The following RBM20 variants were observed in gnomAD, a reference collection of about 807,000 sequenced individuals.
RBM20 encodes RNA-binding protein 20.
RBM20 carries 51 observed loss-of-function variants against 110.1 expected under a neutral mutation model. The observed-to-expected ratio is 0.46, with a 90% CI of 0.37 to 0.59. RBM20 has a LOEUF of 0.59. Ranked by LOEUF, RBM20 falls within the 20% of genes least tolerant of loss-of-function variation. The probability of loss-of-function intolerance (pLI) is 0.00; values close to 1 mark genes in which losing one functional copy is unlikely to be tolerated. For missense variants in RBM20, 1,512 were observed against 1,574.9 expected, an observed-to-expected ratio of 0.96 and a Z score of 0.68; for synonymous variants, 589 against 618.2, an observed-to-expected ratio of 0.95 and a Z score of 0.70.
At chr10:110,769,979 A>G (rs1206767203) in intron 1 of RBM20, among the ~76,000 whole-genome samples, 1 of 152,078 alleles carries the variant, frequency 6.6e-6, no homozygotes, top group Admixed American at 6.6e-5. Context: ...GTGGCCTCCC[A>G]AAGTGTTAGG....
At chr10:110,733,571 CTGAT>C (rs1843640500) in intron 1 of RBM20, among the ~76,000 whole-genome samples, 1 of 152,250 alleles carries the variant, frequency 6.6e-6, no homozygotes, top group Admixed American at 6.5e-5. Flanking sequence ...GTTCTGTACC[CTGAT>C]TGAGGTCATG....
intron 1 of RBM20, among the ~76,000 whole-genome samples, chr10:110,658,183 C>T (rs1862051070): frequency 6.6e-6 from 1 of 152,128 alleles, no homozygotes; most frequent in Non-Finnish European, 1.5e-5. Context: ...TTTTATTTTA[C>T]AGAAAAGGTG....
chr10:110,666,607 C>T (rs145367226), intron 1 of RBM20, among the ~76,000 whole-genome samples: 2,635 of 152,278 alleles, frequency 0.017, 77 homozygotes, highest in African/African-American at 0.061. Flanking sequence ...GATTATACCA[C>T]TGCACTCCAG....
rs1845019519 is a variant in RBM20, at chr10:110,829,288, C to T, written c.3452-1773C>T. On this transcript the variant is annotated intron_variant, in intron 12 of 13. Coordinates refer to ENST00000369519, the MANE Select transcript of RBM20 (RefSeq NM_001134363.3). ...CAGCACCAACAGCCAGGAGCCAGGA[C>T]CTGTTTGTGAGGTGGAGGGGAGAAC... Among the ~76,000 whole-genome samples the T allele has an allele frequency of 2.6e-5, 4 of 152,332 alleles. No homozygotes were observed. In the South Asian group the frequency reaches 8.3e-4, roughly 32 times the overall value.
At chr10:110,797,414 T>C (rs949071892) in intron 5 of RBM20, 94 bp from the exon 6 acceptor site, 1 of 1,226,170 alleles carries the variant, frequency 8.2e-7, no homozygotes, top group Non-Finnish European at 1.1e-6. Context: ...TTACAATCAT[T>C]GTTTAGGGGA....
At chr10:110,813,816 C>T (rs1217922176) in intron 9 of RBM20, among the ~76,000 whole-genome samples, 3 of 126,770 alleles carry the variant, frequency 2.4e-5, no homozygotes, top group Non-Finnish European at 4.7e-5. Flanking sequence ...GCCTGGATGA[C>T]AAGAGCGAAA....
rs1442307828 is a variant in RBM20 at position 110,773,213 on chromosome 10, CAT to C, written c.192-7587_192-7586del. On this transcript the variant is annotated intron_variant, in intron 1 of 13. Transcript: ENST00000369519. Reference sequence around the variant, plus strand: ...CTAGGCACTATTTTATAAATGCACACATGTGGAAAAATCCCTTATTTTCCTGC... The same window carrying C: ...CTAGGCACTATTTTATAAATGCACACGTGGAAAAATCCCTTATTTTCCTGC... Among the ~76,000 whole-genome samples, 15 of 152,352 alleles carry C rather than the reference CAT, an allele frequency of 9.8e-5. 1 individual carries two copies. The South Asian group carries it at 2.5e-3, about 25-fold the overall frequency.
At position 110,698,890 on chromosome 10, in the gene RBM20, G is replaced by A. The variant is rs188928967; in HGVS notation, c.191+54245G>A. Reference sequence around the variant, plus strand: ...AGCCAGACAGACCACTGCCACAGAGGTGGGAGAGGCAAGAAGAGCCTTTAA... The same window carrying A: ...AGCCAGACAGACCACTGCCACAGAGATGGGAGAGGCAAGAAGAGCCTTTAA... On this transcript the variant is annotated intron_variant, in intron 1 of 13. Coordinates refer to ENST00000369519, the MANE Select transcript of RBM20 (RefSeq NM_001134363.3). Among the ~76,000 whole-genome samples the A allele has an allele frequency of 3.4e-4, 52 of 152,316 alleles. 1 individual carries two copies. Among genetic ancestry groups the A allele is most frequent in the Admixed American group, 2.6e-3 (40 of 15,302 alleles).
chr10:110,688,469 G>A (rs983800552), intron 1 of RBM20, among the ~76,000 whole-genome samples: 19 of 151,970 alleles, frequency 1.3e-4, no homozygotes, highest in Admixed American at 9.8e-4. Context: ...TAAGGATTTC[G>A]GATTCATACC....
At chr10:110,768,640 G>T (rs1243960902) in intron 1 of RBM20, among the ~76,000 whole-genome samples, 2 of 152,154 alleles carry the variant, frequency 1.3e-5, no homozygotes, top group African/African-American at 4.8e-5. Flanking sequence ...CAAGTCAGTT[G>T]AACCAGTATT....
chr10:110,746,980 T>C (rs1016295664), intron 1 of RBM20, among the ~76,000 whole-genome samples: 9 of 152,242 alleles, frequency 5.9e-5, no homozygotes, highest in African/African-American at 2.2e-4. Flanking sequence ...TAGTTGTTTG[T>C]ATAACAGTGT....
intron 1 of RBM20, among the ~76,000 whole-genome samples, chr10:110,776,430 G>A (rs1274982814): frequency 6.6e-6 from 1 of 152,168 alleles, no homozygotes; most frequent in Non-Finnish European, 1.5e-5. Flanking sequence ...ACTGGACTAC[G>A]GTCAAGGTGT....
chr10:110,715,615 T>A (rs1211336173), intron 1 of RBM20, among the ~76,000 whole-genome samples: 1 of 152,224 alleles, frequency 6.6e-6, no homozygotes, highest in East Asian at 1.9e-4. Flanking sequence ...TATTTCTCAC[T>A]CATTCACAAA....
At chr10:110,815,597 C>A (rs1408716590) in intron 9 of RBM20, among the ~76,000 whole-genome samples, 1 of 152,214 alleles carries the variant, frequency 6.6e-6, no homozygotes, top group Non-Finnish European at 1.5e-5. Flanking sequence ...GTGGATACCA[C>A]CAGCCTGCCA....
At position 110,727,399 on chromosome 10, in the gene RBM20, C is replaced by CAAAAATAAAAAAAAAAAA. The variant is rs1554893376; in HGVS notation, c.192-53397_192-53396insTAAAAAAAAAAAAAAAAA. ...ATACTATTTATTAAAAAGTCCGTCT[C>CAAAAATAAAAAAAAAAAA]AAAAAATAAAAATAAAAAAAAAATA... On this transcript the variant is annotated intron_variant, in intron 1 of 13. Coordinates refer to ENST00000369519, the MANE Select transcript of RBM20 (RefSeq NM_001134363.3). Among the ~76,000 whole-genome samples the CAAAAATAAAAAAAAAAAA allele has an allele frequency of 1.7e-3, 141 of 83,220 alleles. 1 individual carries two copies. Among genetic ancestry groups the CAAAAATAAAAAAAAAAAA allele is most frequent in the African/African-American group, 6.1e-3 (137 of 22,514 alleles). The allele number at this position is 83,220 out of a possible 152,430, so 54.6% of individuals were successfully genotyped here.
intron 1 of RBM20, among the ~76,000 whole-genome samples, chr10:110,736,305 A>G (rs1843669377): frequency 6.6e-6 from 1 of 152,238 alleles, no homozygotes; most frequent in Admixed American, 6.5e-5. Context: ...CAATATACCC[A>G]GTTTGCACTG....
At chr10:110,686,185 A>C (rs139176167) in intron 1 of RBM20, among the ~76,000 whole-genome samples, 45 of 152,124 alleles carry the variant, frequency 3.0e-4, no homozygotes, top group Non-Finnish European at 5.9e-4. Context: ...TGTCGTCATG[A>C]CTCTTTAAAT....
At chr10:110,692,105 C>T (rs1358434372) in intron 1 of RBM20, among the ~76,000 whole-genome samples, 1 of 152,038 alleles carries the variant, frequency 6.6e-6, no homozygotes, top group East Asian at 1.9e-4. Context: ...TCTGGGTTCT[C>T]TATTGTATTC....
intron 5 of RBM20, among the ~76,000 whole-genome samples, chr10:110,785,784 T>C (rs938143059): frequency 2.0e-5 from 3 of 152,108 alleles, no homozygotes; most frequent in African/African-American, 4.8e-5. Context: ...TCCTGGACTT[T>C]CTAGCATTCA....
Sources: allele counts gnomAD v4.1 joint callset (sites outside exome capture counted in the v4.1 genomes callset), GRCh38; gene constraint gnomAD v4.1.1; transcripts MANE v1.5; gene names NCBI Gene and HGNC (gene_info 2026-07-23, HGNC 2026-07-21).